The following CLDN1 variants were observed in gnomAD, a reference collection of about 807,000 sequenced individuals.
CLDN1 encodes claudin 1.
A neutral mutation model predicts 22.6 loss-of-function variants in CLDN1; 12 were observed. That is an observed-to-expected ratio of 0.53 (90% CI 0.34 to 0.86). The LOEUF is 0.86. CLDN1 is among the 40% of genes least tolerant of loss of function. The pLI is 0.02. For missense variants in CLDN1, 250 were observed against 269.5 expected (o/e 0.93, Z 0.51); for synonymous variants, 99 against 103.8 (o/e 0.95, Z 0.28).
intron 3 of CLDN1, among the ~76,000 whole-genome samples, chr3:190,309,368 C>A (rs1000200686): frequency 3.3e-5 from 5 of 152,182 alleles, no homozygotes; most frequent in African/African-American, 1.2e-4. Context: ...ACAACCATTG[C>A]AGTATGTGTT....
chr3:190,310,148 T>G, intron 3 of CLDN1, 21 bp downstream of exon 3: 1 of 1,600,854 alleles, frequency 6.2e-7, no homozygotes, highest in Middle Eastern at 1.7e-4. Context: ...AACAAACTAT[T>G]TTACGCCTGA....
Position 190,322,246 on chromosome 3 carries a change from T to C in CLDN1, c.-40A>G, listed in dbSNP as rs987578210. 12 of 1,587,152 alleles carry C rather than the reference T, an allele frequency of 7.6e-6. No individual in the cohort carries two copies. Among genetic ancestry groups the C allele is most frequent in the Non-Finnish European group, 1.0e-5 (12 of 1,158,818 alleles). ...CCCGCGCTGGCTCAGGGGTGGCAGG[T>C]GCAGAAGGCGGAGAGTTTGCAGGTG... On this transcript the variant is annotated 5_prime_UTR_variant, in exon 1 of 4. Coordinates refer to ENST00000295522, the MANE Select transcript of CLDN1 (RefSeq NM_021101.5).
At chr3:190,313,329 G>C (rs1424431092) in intron 1 of CLDN1, 3 of 402,016 alleles carry the variant, frequency 7.5e-6, no homozygotes, top group Non-Finnish European at 1.4e-5. Flanking sequence ...ATTGAATAGG[G>C]TTAGCTGAAC....
intron 2 of CLDN1, among the ~76,000 whole-genome samples, chr3:190,312,110 C>T (rs6444425): frequency 0.65 from 99,128 of 151,356 alleles, 33,555 homozygotes; most frequent in African/African-American, 0.83. Context: ...TTTGTGTTTT[C>T]AGTAGAGATG....
chr3:190,318,708 G>C (rs910975167), intron 1 of CLDN1, among the ~76,000 whole-genome samples: 6 of 152,180 alleles, frequency 3.9e-5, no homozygotes, highest in Admixed American at 3.9e-4. Flanking sequence ...AAGTATATCT[G>C]AACACCAATG....
chr3:190,322,130 GC>G lies in CLDN1; in HGVS notation c.76del (p.Ala26ProfsTer16), dbSNP rs1362398766. ...LGWIGAIVST[A>X]LPQWRIYSYA... ...GGAGTAAATCCTCCACTGGGGCAGG[GC>G]AGTGCTGACGATGGCGCCGATCCAT... On this transcript the variant is annotated frameshift_variant, in exon 1 of 4. Coordinates refer to ENST00000295522, the MANE Select transcript of CLDN1 (RefSeq NM_021101.5). LOFTEE classifies it high-confidence loss of function. 6.8e-6 allele frequency: 11 copies of G among 1,614,124 alleles called. No homozygotes were observed. Among genetic ancestry groups the G allele is most frequent in the Non-Finnish European group, 9.3e-6 (11 of 1,180,054 alleles).
At chr3:190,318,625 C>A (rs1035493374) in intron 1 of CLDN1, among the ~76,000 whole-genome samples, 1 of 152,216 alleles carries the variant, frequency 6.6e-6, no homozygotes, top group African/African-American at 2.4e-5. Flanking sequence ...ACAGTAAGAA[C>A]AGAGAATTTC....
At chr3:190,319,745 C>A (rs1348765923) in intron 1 of CLDN1, among the ~76,000 whole-genome samples, 1 of 152,208 alleles carries the variant, frequency 6.6e-6, no homozygotes, top group African/African-American at 2.4e-5. Context: ...TAAATATACA[C>A]ACATAACCCT....
chr3:190,318,550 A>G (rs1036721171), intron 1 of CLDN1, among the ~76,000 whole-genome samples: 4 of 152,190 alleles, frequency 2.6e-5, no homozygotes, highest in African/African-American at 9.6e-5. Context: ...TAAGTGGGGT[A>G]ACTACTTGAA....
At chr3:190,312,241 G>A (rs144506033) in intron 2 of CLDN1, among the ~76,000 whole-genome samples, 3 of 152,006 alleles carry the variant, frequency 2.0e-5, no homozygotes, top group South Asian at 2.1e-4. Flanking sequence ...TAAAAAACAC[G>A]TATTTATTTT....
intron 1 of CLDN1, among the ~76,000 whole-genome samples, chr3:190,314,475 A>AC (rs1193938657): frequency 6.6e-6 from 1 of 151,986 alleles, no homozygotes; most frequent in Non-Finnish European, 1.5e-5. Flanking sequence ...GCTCACTGCA[A>AC]CCTCTGCCTC....
chr3:190,319,451 A>C (rs1322741843), intron 1 of CLDN1, among the ~76,000 whole-genome samples: 1 of 152,216 alleles, frequency 6.6e-6, no homozygotes, highest in Non-Finnish European at 1.5e-5. Context: ...TACCTAAAAG[A>C]AGAAGCCTTG....
rs757845652 is a variant in CLDN1 at position 190,322,235 on chromosome 3, G to C, written c.-29C>G. Reference sequence around the variant, plus strand: ...TCGCTCGGGCGCCCGCGCTGGCTCAGGGGTGGCAGGTGCAGAAGGCGGAGA... The same window carrying C: ...TCGCTCGGGCGCCCGCGCTGGCTCACGGGTGGCAGGTGCAGAAGGCGGAGA... On this transcript the variant is annotated 5_prime_UTR_variant, in exon 1 of 4. Transcript: ENST00000295522. 1 of 1,603,602 alleles carries C rather than the reference G, an allele frequency of 6.2e-7. No homozygotes were observed. Among genetic ancestry groups the C allele is most frequent in the Non-Finnish European group, 8.5e-7 (1 of 1,172,272 alleles).
chr3:190,319,180 C>T (rs556324621), intron 1 of CLDN1, among the ~76,000 whole-genome samples: 3 of 152,108 alleles, frequency 2.0e-5, no homozygotes, highest in African/African-American at 4.8e-5. Context: ...ATAAAATTGG[C>T]GCGAGCTTCC....
At chr3:190,318,878 C>A (rs1716839642) in intron 1 of CLDN1, among the ~76,000 whole-genome samples, 2 of 152,082 alleles carry the variant, frequency 1.3e-5, no homozygotes, top group Admixed American at 6.6e-5. Flanking sequence ...AGCTCACAGC[C>A]ACCAATACTC....
intron 1 of CLDN1, among the ~76,000 whole-genome samples, chr3:190,318,191 C>A (rs1716820306): frequency 6.6e-6 from 1 of 152,108 alleles, no homozygotes; most frequent in Non-Finnish European, 1.5e-5. Flanking sequence ...TGAAAATGAT[C>A]CTGGATGAGG....
chr3:190,313,993 A>C (rs1716696588), intron 1 of CLDN1, among the ~76,000 whole-genome samples: 1 of 152,196 alleles, frequency 6.6e-6, no homozygotes, highest in African/African-American at 2.4e-5. Context: ...TCCTCCTTTA[A>C]TTAAAGATCA....
At chr3:190,313,653 C>A (rs1272646497) in intron 1 of CLDN1, among the ~76,000 whole-genome samples, 1 of 152,100 alleles carries the variant, frequency 6.6e-6, no homozygotes, top group Non-Finnish European at 1.5e-5. Flanking sequence ...AACAAAATAA[C>A]CTTTGAGATG....
intron 1 of CLDN1, among the ~76,000 whole-genome samples, chr3:190,319,627 T>G (rs1442521082): frequency 6.6e-6 from 1 of 152,184 alleles, no homozygotes; most frequent in Admixed American, 6.5e-5. Context: ...GGAAGACAAG[T>G]GTGCTCTACT....
Sources: gnomAD v4.1 joint callset for allele counts (sites outside exome capture counted in the v4.1 genomes callset) on GRCh38, gnomAD v4.1.1 for gene constraint, MANE v1.5 for transcripts, NCBI Gene and HGNC (gene_info 2026-07-23, HGNC 2026-07-21) for gene names.